MICA: variants seen among roughly 807,000 people sequenced by gnomAD.
The protein encoded by MICA is HLA class I antigen.
Under a neutral mutation model 34.3 loss-of-function variants are expected in MICA, and 18 were observed. The ratio of observed to expected loss-of-function variants is 0.52; its 90% CI spans 0.36 to 0.78. MICA has a LOEUF of 0.78. MICA is among the 30% of genes least tolerant of loss of function. MICA has a pLI of 0.00. For synonymous variants in MICA, 135 were observed against 156.9 expected, an observed-to-expected ratio of 0.86 and a Z score of 1.04; for missense variants, 333 against 409.4, an observed-to-expected ratio of 0.81 and a Z score of 1.61.
chr6:31,401,869 C>T (rs1470821748), upstream of MICA, among the ~76,000 whole-genome samples: 1 of 151,854 alleles, frequency 6.6e-6, no homozygotes, highest in Non-Finnish European at 1.5e-5. Flanking sequence ...ATTAAAAACT[C>T]TCCAGGTGGT....
At chr6:31,413,285 T>C (rs114215172) in intron 5 of MICA, among the ~76,000 whole-genome samples, 5,465 of 151,932 alleles carry the variant, frequency 0.036, 157 homozygotes, top group East Asian at 0.056. Flanking sequence ...CCTGTTTTCA[T>C]CCTACCTCCG....
In MICA at chr6:31,411,862, G is replaced by A. The variant is rs1361187130; in HGVS notation, c.614-85G>A. Reference sequence around the variant, plus strand: ...GGTCCCGGAGGGCTTCAGCCAGAGTGAGAACAGTGAAGAGAAACAGCCCTG... The same window carrying A: ...GGTCCCGGAGGGCTTCAGCCAGAGTAAGAACAGTGAAGAGAAACAGCCCTG... On this transcript the variant is annotated intron_variant, in intron 3 of 5. Coordinates refer to ENST00000449934, the MANE Select transcript of MICA (RefSeq NM_001177519.3). The surrounding 1 kb of genome is among the most constrained non-coding windows in gnomAD (Gnocchi z 4.3). 2 of 1,523,182 alleles carry A rather than the reference G, an allele frequency of 1.3e-6. No individual in the cohort carries two copies. Among genetic ancestry groups the A allele is most frequent in the Non-Finnish European group, 1.8e-6 (2 of 1,136,728 alleles). The allele number at this position is 1,523,182 out of a possible 1,614,324, so 94.4% of individuals were successfully genotyped here. A position where few individuals can be genotyped will look rare whatever the true frequency, so the allele number is the denominator to read the frequency against.
Position 31,410,625 on chromosome 6 carries a change from G to A in MICA, c.153G>A (p.Leu51=). 6.2e-7 allele frequency: 1 copy of A among 1,613,594 alleles called. No individual in the cohort carries two copies. The highest frequency in any genetic ancestry group is 8.5e-7 in the Non-Finnish European group (1 of 1,180,032). The change falls in exon 2 of 6, where the codon CTG becomes CTA. Residue 51 remains leucine (L), a synonymous_variant. Transcript: ENST00000449934. ...CAGGGTTTCTTGCTGAGGTACATCT[G>A]GATGGTCAGCCCTTCCTGCGCTATG... ...VQSGFLAEVH[L]DGQPFLRYDR...
At position 31,410,709 on chromosome 6, in the gene MICA, T is replaced by G. The variant is rs41541112; in HGVS notation, c.237T>G (p.Asn79Lys). ...AGTGGGCAGAAGATGTCCTGGGAAATAAGACATGGGACAGAGAGACCAGGG... is the reference window on the plus strand; with the variant it reads ...AGTGGGCAGAAGATGTCCTGGGAAAGAAGACATGGGACAGAGAGACCAGGG... ...QGQWAEDVLG[N>K]KTWDRETRDL... is the part of the protein sequence containing the mutation. Residue 79 changes from asparagine (N) to lysine (K), a missense_variant, in exon 2 of 6, where the codon AAT (asparagine) becomes AAG (lysine). Asn to Lys is a moderately conservative substitution (Grantham distance 94, BLOSUM62 0). Transcript: ENST00000449934. 1 of 1,611,772 alleles carries G rather than the reference T, an allele frequency of 6.2e-7. No homozygotes were observed.
chr6:31,410,520 A>T (rs1197342272), intron 1 of MICA, 23 bp from the exon 2 acceptor site: 7 of 1,605,376 alleles, frequency 4.4e-6, no homozygotes, highest in Non-Finnish European at 6.0e-6. Context: ...AAGAAGTTTC[A>T]CCTGTGATTT....
upstream of MICA, among the ~76,000 whole-genome samples, chr6:31,403,346 T>C (rs1770548611): frequency 6.6e-6 from 1 of 151,864 alleles, no homozygotes; most frequent in Non-Finnish European, 1.5e-5. The surrounding 1 kb of genome is among the most constrained non-coding windows in gnomAD (Gnocchi z 4.7). Context: ...AAGTTGGAGC[T>C]GTACTCTCAG....
intron 2 of MICA, 33 bp downstream of exon 2, chr6:31,410,830 AG>A: frequency 6.5e-7 from 1 of 1,541,396 alleles, no homozygotes; most frequent in Non-Finnish European, 8.8e-7. Flanking sequence ...GTGACTGGAG[AG>A]GCCTTTTCCA....
At chr6:31,413,907 A>G (rs1771355158) in intron 5 of MICA, among the ~76,000 whole-genome samples, 1 of 152,028 alleles carries the variant, frequency 6.6e-6, no homozygotes, top group African/African-American at 2.4e-5. Context: ...CAGTAAAGAT[A>G]TTCGTAATTT....
chr6:31,409,712 T>C (rs1770971949), intron 1 of MICA, among the ~76,000 whole-genome samples: 2 of 151,906 alleles, frequency 1.3e-5, no homozygotes, highest in Admixed American at 6.6e-5. Flanking sequence ...TTATCCCCAA[T>C]GTTTGCTTCT....
intron 1 of MICA, among the ~76,000 whole-genome samples, chr6:31,405,904 C>A (rs1185338576): frequency 6.6e-6 from 1 of 151,944 alleles, no homozygotes; most frequent in African/African-American, 2.4e-5. Flanking sequence ...TAGTTCTCCA[C>A]ATACACATGT....
Position 31,411,873 on chromosome 6 carries a change from A to T in MICA, c.614-74A>T. 1 of 1,539,914 alleles carries T rather than the reference A, an allele frequency of 6.5e-7. No individual in the cohort carries two copies. On this transcript the variant is annotated intron_variant, in intron 3 of 5. Transcript: ENST00000449934. This position sits in a 1 kb window ranked among gnomAD's most constrained non-coding sequence, Gnocchi z 4.3. ...GCTTCAGCCAGAGTGAGAACAGTGA[A>T]GAGAAACAGCCCTGTTCCTCTCCCC... is the stretch of plus-strand genomic sequence containing the variant.
intron 1 of MICA, 51 bp from the exon 2 acceptor site, chr6:31,410,492 T>C (rs1186976462): frequency 6.3e-7 from 1 of 1,591,742 alleles, no homozygotes; most frequent in Non-Finnish European, 8.6e-7. Context: ...TAAACATCAA[T>C]GTGAAGTTAC....
rs753096505 is a variant in MICA at position 31,411,290 on chromosome 6, G to A, written c.544G>A (p.Ala182Thr). 16 of 1,607,722 alleles carry A rather than the reference G, an allele frequency of 1.0e-5. No homozygotes were observed. The highest frequency in any genetic ancestry group is 5.4e-5 in the African/African-American group (4 of 74,544). ...CATGAAGACCAAGACACACTATCAC[G>A]CTATGCATGCAGACTGCCTGCAGGA... ...DAMKTKTHYH[A>T]MHADCLQELR... Residue 182 changes from alanine (A) to threonine (T), a missense_variant, in exon 3 of 6, where the codon GCT becomes ACT. Coordinates refer to ENST00000449934, the MANE Select transcript of MICA (RefSeq NM_001177519.3). The surrounding 1 kb of genome is among the most constrained non-coding windows in gnomAD (Gnocchi z 4.3).
At chr6:31,408,649 C>T (rs574733045) in intron 1 of MICA, among the ~76,000 whole-genome samples, 63 of 151,968 alleles carry the variant, frequency 4.1e-4, no homozygotes, top group African/African-American at 1.4e-3. Flanking sequence ...CTCTAGGTAC[C>T]TCATTTAAGC....
upstream of MICA, among the ~76,000 whole-genome samples, chr6:31,402,881 GCCTCCTTGGC>G (rs1770513878): frequency 6.6e-6 from 1 of 151,694 alleles, no homozygotes; most frequent in African/African-American, 2.4e-5. Flanking sequence ...ACAGGGAGCC[GCCTCCTTGGC>G]CCTGTGATCA....
Position 31,411,453 on chromosome 6 carries a change from T to C in MICA, c.613+94T>C, listed in dbSNP as rs1285293159. 4 of 1,236,852 alleles carry C rather than the reference T, an allele frequency of 3.2e-6. No homozygotes were observed. The highest frequency in any genetic ancestry group is 4.4e-6 in the Non-Finnish European group (4 of 906,902). 76.6% of individuals were successfully genotyped at this position (1,236,852 alleles called of 1,614,324 possible). On this transcript the variant is annotated intron_variant, in intron 3 of 5. Coordinates refer to ENST00000449934, the MANE Select transcript of MICA (RefSeq NM_001177519.3). The surrounding 1 kb of genome is among the most constrained non-coding windows in gnomAD (Gnocchi z 4.3). ...GTCCAGGGAAACCCTCCCTGTGCTA[T>C]GGATGAAGGCATTTCCTGTTGGCAC...
chr6:31,412,646 A>T (rs1400864726), intron 5 of MICA, among the ~76,000 whole-genome samples, 186 bp downstream of exon 5: 1 of 151,820 alleles, frequency 6.6e-6, no homozygotes, highest in African/African-American at 2.4e-5. Context: ...TGCCCAAGCA[A>T]GGGTCAAACG....
At position 31,406,333 on chromosome 6, in the gene MICA, C is replaced by G. The variant is rs187712860; in HGVS notation, c.70+2631C>G. Among the ~76,000 whole-genome samples the G allele has an allele frequency of 1.3e-3, 193 of 151,796 alleles. 1 individual carries two copies. Among genetic ancestry groups the G allele is most frequent in the Middle Eastern group, 3.4e-3 (1 of 294 alleles). ...TGATGTTGAGCACCTTTTCATATAC[C>G]TGTTTGCCATTTATATGTCTTCTTT... On this transcript the variant is annotated intron_variant, in intron 1 of 5. Coordinates refer to ENST00000449934, the MANE Select transcript of MICA (RefSeq NM_001177519.3).
rs1771460605 is a variant in MICA at position 31,415,293 on chromosome 6, C to G, written c.*311C>G. ...CTGCAAAATGTTAGTAGATATGAGG[C>G]ATTTGCAGCTGTGCCATATTAATTG... On this transcript the variant is annotated 3_prime_UTR_variant, in exon 6 of 6. Coordinates refer to ENST00000449934, the MANE Select transcript of MICA (RefSeq NM_001177519.3). 2.0e-6 allele frequency: 1 copy of G among 494,318 alleles called. No homozygotes were observed. The highest frequency in any genetic ancestry group is 3.7e-6 in the Non-Finnish European group (1 of 273,324). The allele number at this position is 494,318 out of a possible 1,614,324, so 30.6% of individuals were successfully genotyped here.
Sources: allele counts gnomAD v4.1 joint callset (sites outside exome capture counted in the v4.1 genomes callset), GRCh38; gene constraint gnomAD v4.1.1; non-coding constraint Gnocchi (gnomAD v3.1); transcripts MANE v1.5; gene names NCBI Gene and HGNC (gene_info 2026-07-23, HGNC 2026-07-21).